The following CABLES2 variants were observed in gnomAD, a reference collection of about 807,000 sequenced individuals.
The protein encoded by CABLES2 is Cdk5 and Abl enzyme substrate 2.
A neutral mutation model predicts 44.8 loss-of-function variants in CABLES2; 35 were observed. That is an observed-to-expected ratio of 0.78 (90% CI 0.60 to 1.04). The LOEUF (loss-of-function observed/expected upper bound fraction) is 1.04, where lower values mean the gene tolerates loss of function less well. Ranked by LOEUF, CABLES2 falls within the 50% of genes least tolerant of loss-of-function variation. CABLES2 has a pLI of 0.00. For missense variants in CABLES2, 566 were observed against 615.7 expected (o/e 0.92, Z 0.85); for synonymous variants, 282 against 281.1 (o/e 1.00, Z -0.03).
chr20:62,394,656 C>CA (rs1380486439), intron 4 of CABLES2, among the ~76,000 whole-genome samples: 1 of 152,228 alleles, frequency 6.6e-6, no homozygotes, highest in Non-Finnish European at 1.5e-5. Context: ...CCTGGATGGT[C>CA]ACAGCACCAA....
chr20:62,395,907 G>A (rs1387348271), intron 3 of CABLES2, among the ~76,000 whole-genome samples: 1 of 152,210 alleles, frequency 6.6e-6, no homozygotes, highest in Non-Finnish European at 1.5e-5. Flanking sequence ...GCCAGCTGCG[G>A]CCCTCCGCCA....
At position 62,398,541 on chromosome 20, in the gene CABLES2, C is replaced by A. The variant is rs1013286177; in HGVS notation, c.363-1949G>T. On this transcript the variant is annotated intron_variant, in intron 1 of 9. Transcript: ENST00000279101. ...GCAGGTGTACTGCTGGGGGTCACTT[C>A]TGGGAACTCTCCAGGCTCCAGGCCA... 4.6e-5 allele frequency among the ~76,000 whole-genome samples: 7 copies of A among 152,230 alleles called. No individual in the cohort carries two copies. The East Asian group carries it at 1.3e-3, about 29-fold the overall frequency.
Position 62,392,309 on chromosome 20 carries a change from A to G in CABLES2, c.1091+80T>C, listed in dbSNP as rs968663921. 10 of 1,040,112 alleles carry G rather than the reference A, an allele frequency of 9.6e-6. No homozygotes were observed. In the African/African-American group the frequency reaches 1.6e-4, roughly 16 times the overall value. The allele number at this position is 1,040,112 out of a possible 1,614,324, so 64.4% of individuals were successfully genotyped here. On this transcript the variant is annotated intron_variant, in intron 8 of 9. Transcript: ENST00000279101. Reference sequence around the variant, plus strand: ...GCAGCGGCTAGACTTGTCAAGCTGGAGAGAATCTACCAGAAACTGGAGAGG... The same window carrying G: ...GCAGCGGCTAGACTTGTCAAGCTGGGGAGAATCTACCAGAAACTGGAGAGG...
Position 62,391,528 on chromosome 20 carries a change from A to G in CABLES2, c.1092-75T>C, listed in dbSNP as rs1275900296. 3.4e-6 allele frequency: 5 copies of G among 1,482,978 alleles called. No homozygotes were observed. The highest frequency in any genetic ancestry group is 3.7e-6 in the Non-Finnish European group (4 of 1,066,734). 91.9% of individuals were successfully genotyped at this position (1,482,978 alleles called of 1,614,324 possible). Reference sequence around the variant, plus strand: ...AGGAGGCAGCCCCCTGCCACCACCAACCGAGGCTGGAGCGATGTAGCTTTG... The same window carrying G: ...AGGAGGCAGCCCCCTGCCACCACCAGCCGAGGCTGGAGCGATGTAGCTTTG... On this transcript the variant is annotated intron_variant, in intron 8 of 9. Transcript: ENST00000279101. The surrounding 1 kb of genome is among the most constrained non-coding windows in gnomAD (Gnocchi z 5.7).
At position 62,396,658 on chromosome 20, in the gene CABLES2, C is replaced by G. The variant is rs1988027406; in HGVS notation, c.363-66G>C. 2.0e-6 allele frequency: 3 copies of G among 1,496,220 alleles called. No individual in the cohort carries two copies. In the East Asian group the frequency reaches 7.2e-5, roughly 36 times the overall value. 92.7% of individuals were successfully genotyped at this position (1,496,220 alleles called of 1,614,324 possible). On this transcript the variant is annotated intron_variant, in intron 1 of 9. Transcript: ENST00000279101. This position sits in a 1 kb window ranked among gnomAD's most constrained non-coding sequence, Gnocchi z 5.7. The stretch of plus-strand genomic sequence containing the variant: ...CGGGTGCCGCCTTTGTGGCCAGAAA[C>G]CGAGTGCCGCCCGCTGTGCAGGGAA...
At position 62,391,569 on chromosome 20, in the gene CABLES2, C is replaced by T. The variant is rs1987920055; in HGVS notation, c.1092-116G>A. The T allele has an allele frequency of 1.1e-5, 11 of 1,017,730 alleles. No individual in the cohort carries two copies. The highest frequency in any genetic ancestry group is 1.5e-5 in the Non-Finnish European group (10 of 662,402). 63.0% of individuals were successfully genotyped at this position (1,017,730 alleles called of 1,614,324 possible). On this transcript the variant is annotated intron_variant, in intron 8 of 9. Transcript: ENST00000279101. The surrounding 1 kb of genome is among the most constrained non-coding windows in gnomAD (Gnocchi z 5.7). ...TGTAGCTTTGGGCCGCAAGAAACAC[C>T]ACCGCATCCTTCAGGGGATGGTACC...
intron 1 of CABLES2, among the ~76,000 whole-genome samples, chr20:62,398,088 A>ATGGTGGTGGTGGTGATGGTGGTGG (rs1569017555): frequency 3.8e-5 from 2 of 52,162 alleles, no homozygotes; most frequent in Admixed American, 3.8e-4. Context: ...GGTGGTGGTG[A>ATGGTGGTGGTGGTGATGGTGGTGG]CGGTGGTGGT....
Position 62,390,943 on chromosome 20 carries a change from G to A in CABLES2, c.*28C>T. The A allele has an allele frequency of 6.2e-7, 1 of 1,611,380 alleles. No homozygotes were observed. The highest frequency in any genetic ancestry group is 8.5e-7 in the Non-Finnish European group (1 of 1,177,888). On this transcript the variant is annotated 3_prime_UTR_variant, in exon 10 of 10. Coordinates refer to ENST00000279101, the MANE Select transcript of CABLES2 (RefSeq NM_031215.3). ...CTCCCAGGCCGGCAAGTGCACCTCG[G>A]TGCCCTGAGCCTTCTGTGGGGCCTC...
Position 62,392,984 on chromosome 20 carries a change from A to G in CABLES2, c.920T>C (p.Leu307Pro). 6.2e-7 allele frequency: 1 copy of G among 1,613,992 alleles called. No individual in the cohort carries two copies. The highest frequency in any genetic ancestry group is 1.7e-5 in the Admixed American group (1 of 60,032). Residue 307 changes from leucine (L) to proline (P), a missense_variant, in exon 7 of 10, where the codon CTC (leucine) becomes CCC (proline). By Grantham distance (98) the Leu-to-Pro change is moderately conservative. Coordinates refer to ENST00000279101, the MANE Select transcript of CABLES2 (RefSeq NM_031215.3). ...VGDTLEYNPN[L>P]LDDPQWPCGK... is the part of the protein sequence containing the mutation. ...GCAGGGCCACTGCGGGTCATCCAGG[A>G]GGTTGGGGTTGTACTCCAGGGTGTC...
chr20:62,399,053 C>T (rs1988138875), intron 1 of CABLES2, among the ~76,000 whole-genome samples: 1 of 151,628 alleles, frequency 6.6e-6, no homozygotes, highest in African/African-American at 2.4e-5. Context: ...TTCAAGCAAT[C>T]CTCTCTCCTC....
rs1406929194 is a variant in CABLES2, at chr20:62,390,299, C to T, written c.*672G>A. 6.5e-6 allele frequency: 1 copy of T among 152,856 alleles called. No homozygotes were observed. The allele number at this position is 152,856 out of a possible 1,614,324, so 9.5% of individuals were successfully genotyped here. A position where few individuals can be genotyped will look rare whatever the true frequency, so the allele number is the denominator to read the frequency against. On this transcript the variant is annotated 3_prime_UTR_variant, in exon 10 of 10. Transcript: ENST00000279101. ...CACGATGCTTGAAGAACAGAGAGGT[C>T]CAAGAGTCCAAGAATGAGATCAAAA...
intron 1 of CABLES2, chr20:62,404,885 C>G (rs953100530): frequency 6.6e-6 from 1 of 152,320 alleles, no homozygotes; most frequent in Non-Finnish European, 1.5e-5. Context: ...CCGGCCACAG[C>G]GCACCTTCTA....
At chr20:62,400,724 G>A (rs536735338) in intron 1 of CABLES2, among the ~76,000 whole-genome samples, 4 of 152,214 alleles carry the variant, frequency 2.6e-5, no homozygotes, top group Non-Finnish European at 5.9e-5. Flanking sequence ...TGGTGGTACC[G>A]TTGGATCCTC....
rs1245494180 is a variant in CABLES2, at chr20:62,389,434, A to C, written c.*1537T>G. On this transcript the variant is annotated 3_prime_UTR_variant, in exon 10 of 10. Coordinates refer to ENST00000279101, the MANE Select transcript of CABLES2 (RefSeq NM_031215.3). Reference sequence around the variant, plus strand: ...CCCCAGTGAGTGGCTGTGGAAAAGGAGGAGGGCCAGGTGGGTGCTGGCAGC... The same window carrying C: ...CCCCAGTGAGTGGCTGTGGAAAAGGCGGAGGGCCAGGTGGGTGCTGGCAGC... The C allele has an allele frequency of 6.6e-6, 1 of 152,286 alleles. No individual in the cohort carries two copies. The allele number at this position is 152,286 out of a possible 1,614,324, so 9.4% of individuals were successfully genotyped here. A position where few individuals can be genotyped will look rare whatever the true frequency, so the allele number is the denominator to read the frequency against.
chr20:62,398,106 A>G (rs377554975), intron 1 of CABLES2, among the ~76,000 whole-genome samples: 6,990 of 48,018 alleles, frequency 0.15, 456 homozygotes, highest in Non-Finnish European at 0.17. Context: ...GGTGGTGGTG[A>G]TGGTGGTGGT....
chr20:62,393,140 C>G, intron 6 of CABLES2, 117 bp from the exon 7 acceptor site: 1 of 910,070 alleles, frequency 1.1e-6, no homozygotes, highest in Non-Finnish European at 1.7e-6. Flanking sequence ...GGGCTCTAGG[C>G]CATGGTTCTC....
chr20:62,394,841 C>G, intron 4 of CABLES2, 96 bp downstream of exon 4: 1 of 1,089,014 alleles, frequency 9.2e-7, no homozygotes, highest in Non-Finnish European at 1.3e-6. Flanking sequence ...CACCTGGGGG[C>G]GCAGTGCCCG....
intron 1 of CABLES2, among the ~76,000 whole-genome samples, chr20:62,398,110 T>TGGG (rs1555890779): frequency 1.3e-5 from 1 of 76,258 alleles, no homozygotes; most frequent in Admixed American, 1.3e-4. Context: ...GTGGTGATGG[T>TGGG]GGTGGTGGTG....
Position 62,393,430 on chromosome 20 carries a change from C to T in CABLES2, c.880+10G>A, listed in dbSNP as rs189228039. 1.4e-4 allele frequency: 227 copies of T among 1,581,720 alleles called. No individual in the cohort carries two copies. In the African/African-American group the frequency reaches 2.2e-3, roughly 15 times the overall value. ...CCTGTTCCAGGCCGTGGTTAAGGCA[C>T]GTGGGCTACCTAGTTCTGTGCTGGC... On this transcript the variant is annotated intron_variant, in intron 6 of 9. Transcript: ENST00000279101.
Sources: allele counts gnomAD v4.1 joint callset (sites outside exome capture counted in the v4.1 genomes callset), GRCh38; gene constraint gnomAD v4.1.1; non-coding constraint Gnocchi (gnomAD v3.1); transcripts MANE v1.5; gene names NCBI Gene and HGNC (gene_info 2026-07-23, HGNC 2026-07-21).